Variants in NAALADL2 observed in about 807,000 individuals in gnomAD.
NAALADL2 encodes the protein inactive N-acetylated-alpha-linked acidic dipeptidase-like protein 2.
Under a neutral mutation model 87.2 loss-of-function variants are expected in NAALADL2, and 76 were observed. The ratio of observed to expected loss-of-function variants is 0.87; its 90% CI spans 0.72 to 1.05. NAALADL2 has a LOEUF of 1.05. Ranked by LOEUF, NAALADL2 falls within the 50% of genes least tolerant of loss-of-function variation. The pLI is 0.00. For missense variants in NAALADL2, 1,089 were observed against 945.8 expected (o/e 1.15, Z -1.99); for synonymous variants, 354 against 331.0 (o/e 1.07, Z -0.75).
intron 4 of NAALADL2, among the ~76,000 whole-genome samples, chr3:175,298,738 C>A (rs959175795): frequency 2.6e-5 from 4 of 152,048 alleles, no homozygotes; most frequent in African/African-American, 9.7e-5. Context: ...TCATTTAAAT[C>A]AGAATTAAGC....
intron 10 of NAALADL2, among the ~76,000 whole-genome samples, chr3:175,626,920 A>AACTTCAG (rs1252206918): frequency 1.1e-4 from 16 of 151,920 alleles, no homozygotes; most frequent in African/African-American, 3.6e-4. Context: ...TTTGGTCTTG[A>AACTTCAG]ACTTCAGACC....
intron 1 of NAALADL2, among the ~76,000 whole-genome samples, chr3:174,528,583 G>T (rs1720969707): frequency 6.6e-6 from 1 of 152,142 alleles, no homozygotes; most frequent in South Asian, 2.1e-4. Flanking sequence ...CTGAGATAGT[G>T]CCACTGCACT....
At chr3:174,608,395 A>G (rs1210777530) in intron 2 of NAALADL2, among the ~76,000 whole-genome samples, 1 of 152,032 alleles carries the variant, frequency 6.6e-6, no homozygotes, top group Non-Finnish European at 1.5e-5. Context: ...TTTTGAAAGG[A>G]TCAACAAAAT....
intron 10 of NAALADL2, among the ~76,000 whole-genome samples, chr3:175,592,551 A>G (rs1721662100): frequency 6.6e-6 from 1 of 152,068 alleles, no homozygotes; most frequent in South Asian, 2.1e-4. Context: ...ATGGAATACT[A>G]TGCAGCCATA....
At chr3:175,795,005 G>A (rs113724102) in intron 13 of NAALADL2, among the ~76,000 whole-genome samples, 57 of 152,238 alleles carry the variant, frequency 3.7e-4, no homozygotes, top group African/African-American at 7.9e-4. Context: ...ATGGTAGAGC[G>A]AGGAAGCTCT....
chr3:174,596,266 G>T (rs142875429), intron 2 of NAALADL2, among the ~76,000 whole-genome samples: 1 of 152,204 alleles, frequency 6.6e-6, no homozygotes, highest in African/African-American at 2.4e-5. Flanking sequence ...CAAATGCAAT[G>T]AGCACAACAA....
At chr3:174,774,578 C>G (rs999476228) in intron 3 of NAALADL2, among the ~76,000 whole-genome samples, 2 of 152,138 alleles carry the variant, frequency 1.3e-5, no homozygotes, top group African/African-American at 4.8e-5. Context: ...GTTGCAGTGA[C>G]AGTTTGGCCT....
At chr3:174,966,573 G>A (rs1356980481) in intron 1 of NAALADL2, among the ~76,000 whole-genome samples, 1 of 152,140 alleles carries the variant, frequency 6.6e-6, no homozygotes, top group East Asian at 1.9e-4. Flanking sequence ...GAGGTATCTA[G>A]AGTGACAAAC....
At chr3:174,949,901 G>T (rs1278820620) in intron 1 of NAALADL2, among the ~76,000 whole-genome samples, 1 of 152,074 alleles carries the variant, frequency 6.6e-6, no homozygotes, top group East Asian at 1.9e-4. Flanking sequence ...GATTCTCTGT[G>T]CTCCTTTTTG....
At position 174,450,648 on chromosome 3, in the gene NAALADL2, G is replaced by A. The variant is rs185053379; in HGVS notation, c.-184+9616G>A. ...GCACTTTGGGAGGCCAAGGCAGGTG[G>A]ATCATGAGATCAGGAGTTCAAGACC... On this transcript the variant is annotated intron_variant, in intron 1 of 3. Coordinates refer to the NAALADL2 transcript ENST00000434257. Among the ~76,000 whole-genome samples, 1,279 of 152,214 alleles carry A rather than the reference G, an allele frequency of 8.4e-3. 51 individuals are homozygous for A. The highest frequency in any genetic ancestry group is 0.077 in the Admixed American group (1,181 of 15,286).
rs75305476 is a variant in NAALADL2 at position 175,654,753 on chromosome 3, G to A, written c.1896+27367G>A. Among the ~76,000 whole-genome samples the A allele has an allele frequency of 9.9e-5, 15 of 152,182 alleles. No individual in the cohort carries two copies. In the East Asian group the frequency reaches 2.5e-3, roughly 26 times the overall value. On this transcript the variant is annotated intron_variant, in intron 11 of 13. Transcript: ENST00000454872. ...GAATGGCAGGCAAATGAAGCCACAG[G>A]CTTCATTGTGTGATACATATCAAGA...
chr3:174,743,424 A>T (rs915516997), intron 3 of NAALADL2, among the ~76,000 whole-genome samples: 2 of 151,846 alleles, frequency 1.3e-5, no homozygotes, highest in African/African-American at 4.8e-5. Flanking sequence ...TTGGATTCCA[A>T]ATAAAATTAT....
At chr3:174,563,648 A>T (rs1713895502) in intron 2 of NAALADL2, among the ~76,000 whole-genome samples, 1 of 151,866 alleles carries the variant, frequency 6.6e-6, no homozygotes, top group South Asian at 2.1e-4. Flanking sequence ...AATTTCCATT[A>T]TGATTAATTT....
intron 3 of NAALADL2, among the ~76,000 whole-genome samples, chr3:174,835,211 T>C (rs553334728): frequency 3.4e-4 from 51 of 152,174 alleles, no homozygotes; most frequent in Middle Eastern, 3.4e-3. Flanking sequence ...AACTATTGGA[T>C]ATCCACATGG....
chr3:175,578,008 T>A (rs192858004), intron 10 of NAALADL2, among the ~76,000 whole-genome samples: 253 of 152,254 alleles, frequency 1.7e-3, no homozygotes, highest in Non-Finnish European at 2.5e-3. Flanking sequence ...TACAAATATA[T>A]ACGGAAAATA....
chr3:174,905,576 G>C (rs544707636), intron 1 of NAALADL2, among the ~76,000 whole-genome samples: 1 of 151,992 alleles, frequency 6.6e-6, no homozygotes, highest in Non-Finnish European at 1.5e-5. Flanking sequence ...ATAAAAACAT[G>C]TAACTCAAAT....
At chr3:175,789,955 A>AACACATAGTGACAACAGAGTCT (rs2108283086) in intron 13 of NAALADL2, among the ~76,000 whole-genome samples, 1 of 152,136 alleles carries the variant, frequency 6.6e-6, no homozygotes, top group East Asian at 1.9e-4. Context: ...CAATTGTTTA[A>AACACATAGTGACAACAGAGTCT]ACACATAGTG....
intron 9 of NAALADL2, among the ~76,000 whole-genome samples, chr3:175,561,656 C>T (rs1041638611): frequency 1.3e-5 from 2 of 152,090 alleles, no homozygotes; most frequent in African/African-American, 4.8e-5. Context: ...ATATCCATGG[C>T]TTCCACTTCT....
intron 5 of NAALADL2, among the ~76,000 whole-genome samples, chr3:175,430,268 A>C (rs946390451): frequency 6.6e-6 from 1 of 151,864 alleles, no homozygotes; most frequent in Non-Finnish European, 1.5e-5. Flanking sequence ...AAAAATTATA[A>C]AGTTCTTCTT....
Sources: gnomAD v4.1 joint callset for allele counts (sites outside exome capture counted in the v4.1 genomes callset) on GRCh38, gnomAD v4.1.1 for gene constraint, MANE v1.5 for transcripts, NCBI Gene and HGNC (gene_info 2026-07-23, HGNC 2026-07-21) for gene names.